MARCHF1: variants seen among roughly 807,000 people sequenced by gnomAD.
MARCHF1 encodes the protein E3 ubiquitin-protein ligase MARCHF1.
MARCHF1 carries 40 observed loss-of-function variants against 54.2 expected under a neutral mutation model. The observed-to-expected ratio is 0.74, with a 90% confidence interval of 0.57 to 0.96. MARCHF1 has a LOEUF of 0.96. Among genes scored for constraint, MARCHF1 ranks in the 40% least tolerant of loss-of-function variants. The pLI is 0.00. For missense variants in MARCHF1, 586 were observed against 656.5 expected (o/e 0.89, Z 1.17); for synonymous variants, 236 against 236.3 (o/e 1.00, Z 0.01).
chr4:164,230,383 A>T (rs1206261430), intron 1 of MARCHF1, among the ~76,000 whole-genome samples: 5 of 151,420 alleles, frequency 3.3e-5, no homozygotes, highest in Non-Finnish European at 7.4e-5. Context: ...CAACGAGAGC[A>T]AAACTCCATC....
rs561133797 is a variant in MARCHF1 at position 163,779,827 on chromosome 4, G to GA, written c.111+74193dup. On this transcript the variant is annotated intron_variant, in intron 4 of 9. Coordinates refer to ENST00000514618, the MANE Select transcript of MARCHF1 (RefSeq NM_001394959.1). ...TCCACTGCCTACTTGAAAAAAAGAA[G>GA]AAAAAAAAACCCCTATTACATAGAT... Among the ~76,000 whole-genome samples, 79 of 151,026 alleles carry GA rather than the reference G, an allele frequency of 5.2e-4. 1 individual carries two copies. Among genetic ancestry groups the GA allele is most frequent in the African/African-American group, 6.3e-4 (26 of 41,180 alleles).
chr4:163,805,477 G>C (rs1441110171), intron 4 of MARCHF1, among the ~76,000 whole-genome samples: 1 of 151,962 alleles, frequency 6.6e-6, no homozygotes, highest in African/African-American at 2.4e-5. Flanking sequence ...TGGTAGCAAA[G>C]CAAAATTTGG....
At chr4:163,765,895 CATATAATTATATATAAT>C (rs1415770209) in intron 4 of MARCHF1, among the ~76,000 whole-genome samples, 3 of 146,760 alleles carry the variant, frequency 2.0e-5, no homozygotes, top group African/African-American at 7.4e-5. Flanking sequence ...ATATATAATA[CATATAATTATATATAAT>C]ATATAATTAT....
chr4:164,003,226 A>T (rs376112434), intron 2 of MARCHF1, among the ~76,000 whole-genome samples: 3 of 151,994 alleles, frequency 2.0e-5, no homozygotes, highest in Admixed American at 1.3e-4. Context: ...CAAAGATGGC[A>T]ATACAATTAA....
intron 4 of MARCHF1, among the ~76,000 whole-genome samples, chr4:163,828,206 C>A (rs1748910841): frequency 6.6e-6 from 1 of 152,076 alleles, no homozygotes; most frequent in Admixed American, 6.6e-5. Flanking sequence ...TAGATTGGTG[C>A]AAAAGTAATT....
At chr4:164,057,503 A>G (rs1754518911) in intron 2 of MARCHF1, among the ~76,000 whole-genome samples, 1 of 152,196 alleles carries the variant, frequency 6.6e-6, no homozygotes, top group Non-Finnish European at 1.5e-5. Flanking sequence ...ACATATAAGA[A>G]TATATGTTTT....
intron 5 of MARCHF1, among the ~76,000 whole-genome samples, chr4:163,666,341 G>A (rs556302758): frequency 6.6e-6 from 1 of 152,212 alleles, no homozygotes; most frequent in South Asian, 2.1e-4. Flanking sequence ...TTTTGAAGGA[G>A]TATTTGAGCA....
intron 1 of MARCHF1, among the ~76,000 whole-genome samples, chr4:164,288,180 G>A (rs954473300): frequency 1.3e-5 from 2 of 151,140 alleles, no homozygotes; most frequent in Non-Finnish European, 2.9e-5. Context: ...GTATTCATAG[G>A]GTTTAGAAAT....
intron 1 of MARCHF1, among the ~76,000 whole-genome samples, chr4:164,141,854 C>A (rs1413964403): frequency 6.6e-6 from 1 of 152,190 alleles, no homozygotes; most frequent in Non-Finnish European, 1.5e-5. Context: ...CAGTCTACAG[C>A]TCCCAGCGTG....
intron 1 of MARCHF1, among the ~76,000 whole-genome samples, chr4:164,205,254 T>C (rs902044765): frequency 6.6e-6 from 1 of 152,224 alleles, no homozygotes; most frequent in African/African-American, 2.4e-5. Context: ...AGAGCTTGTA[T>C]TTACTGAGCA....
chr4:164,148,549 A>C (rs1284293237), intron 1 of MARCHF1, among the ~76,000 whole-genome samples: 1 of 151,960 alleles, frequency 6.6e-6, no homozygotes, highest in Non-Finnish European at 1.5e-5. Context: ...TCTTTAGGTG[A>C]GCACAGTTTC....
chr4:163,786,570 G>C (rs1042189770), intron 4 of MARCHF1, among the ~76,000 whole-genome samples: 1 of 151,836 alleles, frequency 6.6e-6, no homozygotes, highest in Non-Finnish European at 1.5e-5. Context: ...TAAATATTTG[G>C]TGTTCATAAA....
At chr4:163,665,262 A>G (rs1256065728) in intron 5 of MARCHF1, among the ~76,000 whole-genome samples, 3 of 152,114 alleles carry the variant, frequency 2.0e-5, no homozygotes, top group African/African-American at 7.2e-5. Flanking sequence ...ACAAATGCAA[A>G]TTACAATGTT....
chr4:164,033,077 G>T (rs7692061), intron 2 of MARCHF1, among the ~76,000 whole-genome samples: 53,622 of 151,544 alleles, frequency 0.35, 10,271 homozygotes, highest in Middle Eastern at 0.52. Flanking sequence ...TTTAATAAAT[G>T]GTGCTGAGGT....
intron 3 of MARCHF1, among the ~76,000 whole-genome samples, chr4:163,912,117 G>C (rs1338620485): frequency 1.2e-4 from 18 of 150,696 alleles, no homozygotes; most frequent in Admixed American, 9.3e-4. Flanking sequence ...CTGCAATCCA[G>C]CCAGCAGGGA....
intron 1 of MARCHF1, among the ~76,000 whole-genome samples, chr4:164,176,452 GA>G (rs535177699): frequency 1.3e-4 from 19 of 151,666 alleles, no homozygotes; most frequent in Non-Finnish European, 2.8e-4. Context: ...TATCACAAGG[GA>G]AAAAAATAGT....
At position 163,904,052 on chromosome 4, in the gene MARCHF1, C is replaced by T. The variant is rs528944984; in HGVS notation, c.-38-49883G>A. ...TAGGTAATCTGAATTGTGTATTAGA[C>T]ACTCTTATTTTTCATTTCACATTTG... On this transcript the variant is annotated intron_variant, in intron 3 of 9. Coordinates refer to ENST00000514618, the MANE Select transcript of MARCHF1 (RefSeq NM_001394959.1). Among the ~76,000 whole-genome samples, 15 of 152,276 alleles carry T rather than the reference C, an allele frequency of 9.9e-5. No homozygotes were observed. In the South Asian group the frequency reaches 2.5e-3, roughly 25 times the overall value.
At chr4:164,345,944 C>A (rs1181634196) in intron 1 of MARCHF1, among the ~76,000 whole-genome samples, 1 of 152,048 alleles carries the variant, frequency 6.6e-6, no homozygotes, top group Non-Finnish European at 1.5e-5. Flanking sequence ...ACAATAAAAT[C>A]ATTCATGATG....
At chr4:163,983,175 A>T (rs778965417) in intron 3 of MARCHF1, among the ~76,000 whole-genome samples, 2 of 152,204 alleles carry the variant, frequency 1.3e-5, no homozygotes, top group African/African-American at 2.4e-5. Flanking sequence ...TTGTGTGCCA[A>T]AGTGAAGCAT....
Sources: allele counts gnomAD v4.1 joint callset (sites outside exome capture counted in the v4.1 genomes callset), GRCh38; gene constraint gnomAD v4.1.1; transcripts MANE v1.5; gene names NCBI Gene and HGNC (gene_info 2026-07-23, HGNC 2026-07-21).